WDR25: variants seen among roughly 807,000 people sequenced by gnomAD.
The protein encoded by WDR25 is WD repeat domain 25.
WDR25 carries 35 observed loss-of-function variants against 47.7 expected under a neutral mutation model. The observed-to-expected ratio is 0.73, with a 90% CI of 0.56 to 0.97. The LOEUF (loss-of-function observed/expected upper bound fraction) is 0.97, where lower values mean the gene tolerates loss of function less well. Among genes scored for constraint, WDR25 ranks in the 50% least tolerant of loss-of-function variants. The pLI is 0.00. For missense variants in WDR25, 634 were observed against 704.7 expected (o/e 0.90, Z 1.14); for synonymous variants, 248 against 278.9 (o/e 0.89, Z 1.10).
rs370990699 is a variant in WDR25, at chr14:100,417,673, T to G, written c.822+35927T>G. On this transcript the variant is annotated intron_variant, in intron 2 of 6. Transcript: ENST00000402312. ...TCCTTGTTGTCTCTGCCAGTGAGGC[T>G]CTGGAGAGTGAGTCAGGAATACAGC... Among the ~76,000 whole-genome samples the G allele has an allele frequency of 3.3e-5, 5 of 152,330 alleles. No individual in the cohort carries two copies. In the East Asian group the frequency reaches 7.7e-4, roughly 24 times the overall value.
chr14:100,398,077 A>T (rs1302711587), intron 2 of WDR25, among the ~76,000 whole-genome samples: 1 of 152,212 alleles, frequency 6.6e-6, no homozygotes, highest in African/African-American at 2.4e-5. Context: ...ACCTCAAGTG[A>T]TCCACCCGCC....
At chr14:100,413,662 C>T (rs918194103) in intron 2 of WDR25, among the ~76,000 whole-genome samples, 1 of 152,186 alleles carries the variant, frequency 6.6e-6, no homozygotes, top group African/African-American at 2.4e-5. Flanking sequence ...ATCCACCCAC[C>T]TCGGCCTCCC....
At chr14:100,460,356 C>T (rs1416054871) in intron 2 of WDR25, among the ~76,000 whole-genome samples, 1 of 152,066 alleles carries the variant, frequency 6.6e-6, no homozygotes, top group Non-Finnish European at 1.5e-5. Flanking sequence ...ACATGATCCG[C>T]CTGCCTCGGC....
At chr14:100,481,408 C>T in intron 3 of WDR25, 3 of 920,168 alleles carry the variant, frequency 3.3e-6, no homozygotes, top group Non-Finnish European at 4.5e-6. Context: ...AGGAGGGAAT[C>T]CCACCTCATC....
intron 2 of WDR25, among the ~76,000 whole-genome samples, chr14:100,387,791 G>A (rs987158118): frequency 1.3e-5 from 2 of 152,232 alleles, no homozygotes; most frequent in Non-Finnish European, 2.9e-5. Flanking sequence ...ATAAGGGATG[G>A]AAAAGCGCAT....
At chr14:100,439,798 A>G (rs543558323) in intron 2 of WDR25, among the ~76,000 whole-genome samples, 1 of 152,358 alleles carries the variant, frequency 6.6e-6, no homozygotes, top group African/African-American at 2.4e-5. Flanking sequence ...TATTTTCTCC[A>G]TTCAATATAA....
Position 100,381,193 on chromosome 14 carries a change from CT to C in WDR25, c.271del (p.Cys91AlafsTer47), listed in dbSNP as rs1477521845. 1.2e-6 allele frequency: 2 copies of C among 1,614,062 alleles called. No individual in the cohort carries two copies. Among genetic ancestry groups the C allele is most frequent in the East Asian group, 2.2e-5 (1 of 44,878 alleles). On this transcript the variant is annotated frameshift_variant, in exon 2 of 7. Coordinates refer to ENST00000402312, the MANE Select transcript of WDR25 (RefSeq NM_001161476.3). LOFTEE classifies it high-confidence loss of function. ...LAQLGRSDWG[S>X]CPSQRLQWPG... ...CAGCTTGGGAGAAGCGATTGGGGAT[CT>C]TGCCCCAGCCAGAGGCTACAGTGGC... is the stretch of plus-strand genomic sequence containing the variant.
At chr14:100,441,763 C>A (rs1385944221) in intron 2 of WDR25, among the ~76,000 whole-genome samples, 1 of 152,096 alleles carries the variant, frequency 6.6e-6, no homozygotes, top group African/African-American at 2.4e-5. Flanking sequence ...GGAGGAAAGC[C>A]CCTGATTGGT....
At chr14:100,422,886 G>A (rs907062782) in intron 2 of WDR25, among the ~76,000 whole-genome samples, 19 of 152,136 alleles carry the variant, frequency 1.2e-4, no homozygotes, top group African/African-American at 4.1e-4. Context: ...AGACAGAAAC[G>A]TCAAAGTGCT....
chr14:100,490,392 G>A (rs1410348282), intron 4 of WDR25, among the ~76,000 whole-genome samples: 9 of 152,190 alleles, frequency 5.9e-5, no homozygotes, highest in Non-Finnish European at 1.0e-4. Context: ...CCAGTTGAAC[G>A]GAGGCTGAGC....
At chr14:100,451,650 C>T (rs1024118550) in intron 2 of WDR25, among the ~76,000 whole-genome samples, 2 of 152,140 alleles carry the variant, frequency 1.3e-5, no homozygotes, top group Non-Finnish European at 2.9e-5. Flanking sequence ...TGATTCCATC[C>T]CATCCTTGTT....
chr14:100,454,457 A>C, intron 2 of WDR25: 1 of 1,286,614 alleles, frequency 7.8e-7, no homozygotes, highest in Non-Finnish European at 1.0e-6. Flanking sequence ...TTTGGCTTCC[A>C]GTAATGAAGC....
intron 4 of WDR25, among the ~76,000 whole-genome samples, chr14:100,513,108 T>G (rs61247369): frequency 0.036 from 5,527 of 152,278 alleles, 339 homozygotes; most frequent in African/African-American, 0.12. Context: ...TGGTTGATAG[T>G]GTTATTTAAA....
chr14:100,513,386 G>T (rs1901374923), intron 4 of WDR25, among the ~76,000 whole-genome samples: 1 of 152,186 alleles, frequency 6.6e-6, no homozygotes, highest in Admixed American at 6.5e-5. Flanking sequence ...GCAAGAAGGT[G>T]CAAGCCCTCA....
chr14:100,474,158 G>A (rs114969434), intron 3 of WDR25, among the ~76,000 whole-genome samples: 175 of 152,274 alleles, frequency 1.1e-3, no homozygotes, highest in Admixed American at 3.5e-3. Context: ...ATTTTCCAAG[G>A]CCAGTCTCTG....
chr14:100,477,413 G>A (rs1900052874), intron 3 of WDR25, among the ~76,000 whole-genome samples: 1 of 152,180 alleles, frequency 6.6e-6, no homozygotes, highest in Admixed American at 6.5e-5. Flanking sequence ...AGTGCTAGTG[G>A]ATTAAATATT....
intron 2 of WDR25, among the ~76,000 whole-genome samples, chr14:100,418,560 C>T (rs1453115348): frequency 6.6e-6 from 1 of 151,308 alleles, no homozygotes; most frequent in Non-Finnish European, 1.5e-5. Context: ...TTGCTTGAAC[C>T]CGGGAGGTAG....
rs1322728351 is a variant in WDR25 at position 100,467,871 on chromosome 14, G to GA, written c.823-146dup. On this transcript the variant is annotated intron_variant, in intron 2 of 6. Coordinates refer to ENST00000402312, the MANE Select transcript of WDR25 (RefSeq NM_001161476.3). ...TCCCAAGCCTTTACATTTCTGCAAT[G>GA]AAAAGTTTAACATCTAGATATAGAT... The GA allele has an allele frequency of 2.7e-6, 3 of 1,110,286 alleles. No individual in the cohort carries two copies. The African/African-American group carries it at 4.8e-5, about 18-fold the overall frequency. 68.8% of individuals were successfully genotyped at this position (1,110,286 alleles called of 1,614,324 possible).
In WDR25 at chr14:100,424,942, G is replaced by T. The variant is rs1163991782; in HGVS notation, c.823-43079G>T. ...TCCCACTTCCTGCTTGGTGGCTCAG[G>T]CCTGTCAGTCACACAGCTCGTGGCT... On this transcript the variant is annotated intron_variant, in intron 2 of 6. Transcript: ENST00000402312. The surrounding 1 kb of genome is among the most constrained non-coding windows in gnomAD (Gnocchi z 4.2). Among the ~76,000 whole-genome samples, 2 of 152,118 alleles carry T rather than the reference G, an allele frequency of 1.3e-5. No homozygotes were observed. Among genetic ancestry groups the T allele is most frequent in the African/African-American group, 2.4e-5 (1 of 41,408 alleles).
Sources: gnomAD v4.1 joint callset for allele counts (sites outside exome capture counted in the v4.1 genomes callset) on GRCh38, gnomAD v4.1.1 for gene constraint, Gnocchi (gnomAD v3.1) non-coding constraint, MANE v1.5 for transcripts, NCBI Gene and HGNC (gene_info 2026-07-23, HGNC 2026-07-21) for gene names.